The following MBOAT2 variants were observed in gnomAD, a reference collection of about 807,000 sequenced individuals.
MBOAT2 encodes membrane-bound glycerophospholipid O-acyltransferase 2.
MBOAT2 carries 28 observed loss-of-function variants against 63.4 expected under a neutral mutation model. That is an observed-to-expected ratio of 0.44 (90% CI 0.33 to 0.61). The LOEUF (loss-of-function observed/expected upper bound fraction) is 0.61. Ranked by LOEUF, MBOAT2 falls within the 20% of genes least tolerant of loss-of-function variation. MBOAT2 has a pLI of 0.03. For missense variants in MBOAT2, 470 were observed against 605.8 expected (o/e 0.78, Z 2.35); for synonymous variants, 211 against 215.6 (o/e 0.98, Z 0.19).
intron 4 of MBOAT2, among the ~76,000 whole-genome samples, chr2:8,894,356 A>G (rs1386420104): frequency 1.3e-5 from 2 of 152,238 alleles, no homozygotes; most frequent in Non-Finnish European, 2.9e-5. Context: ...AGTGGCAGCT[A>G]AACGGAATGT....
chr2:8,872,253 T>C (rs976807499), intron 8 of MBOAT2, among the ~76,000 whole-genome samples: 1 of 152,226 alleles, frequency 6.6e-6, no homozygotes, highest in East Asian at 1.9e-4. Flanking sequence ...TTCCATCTTT[T>C]TGTTTTTGTT....
intron 1 of MBOAT2, among the ~76,000 whole-genome samples, chr2:8,999,793 G>A (rs565815976): frequency 2.0e-5 from 3 of 152,282 alleles, no homozygotes; most frequent in African/African-American, 7.2e-5. Context: ...ATCAGATGCC[G>A]ATACTTCCTA....
intron 5 of MBOAT2, among the ~76,000 whole-genome samples, chr2:8,884,195 CAAAAAAAAAAAA>C (rs1169179642): frequency 4.1e-4 from 9 of 22,098 alleles, no homozygotes; most frequent in East Asian, 1.0e-3. Flanking sequence ...AAGACTCAGC[CAAAAAAAAAAAA>C]AAAAAAAAAA....
chr2:8,864,309 T>C, intron 9 of MBOAT2, 75 bp from the exon 10 acceptor site: 12 of 836,800 alleles, frequency 1.4e-5, no homozygotes, highest in Non-Finnish European at 2.1e-5. Flanking sequence ...ATTATTATGC[T>C]AAAAAATAAA....
intron 8 of MBOAT2, among the ~76,000 whole-genome samples, chr2:8,870,575 CA>C (rs1662237142): frequency 1.3e-5 from 2 of 152,116 alleles, no homozygotes; most frequent in Admixed American, 6.5e-5. Context: ...AAAAAGGTGA[CA>C]GGGGTGGAGA....
chr2:8,975,149 A>G (rs971456603), intron 1 of MBOAT2, among the ~76,000 whole-genome samples: 1 of 152,026 alleles, frequency 6.6e-6, no homozygotes, highest in Admixed American at 6.6e-5. Flanking sequence ...ACATCCAAAA[A>G]CTGAATTATT....
chr2:8,979,884 G>A (rs111227547), intron 1 of MBOAT2, among the ~76,000 whole-genome samples: 65 of 152,172 alleles, frequency 4.3e-4, no homozygotes, highest in Non-Finnish European at 7.9e-4. Context: ...CTACTAATAC[G>A]CCTAACAATA....
chr2:8,857,231 G>A lies in MBOAT2; in HGVS notation c.*1448C>T, dbSNP rs943176610. 6.6e-6 allele frequency: 1 copy of A among 152,556 alleles called. No homozygotes were observed. The highest frequency in any genetic ancestry group is 1.5e-5 in the Non-Finnish European group (1 of 68,030). The allele number at this position is 152,556 out of a possible 1,614,324, so 9.5% of individuals were successfully genotyped here. The stretch of plus-strand genomic sequence containing the variant: ...AAAGTAAAAGTAAGTTCCATACATA[G>A]GTCAAACAAAGGTGAAGTCAGAAGG... On this transcript the variant is annotated 3_prime_UTR_variant, in exon 13 of 13. Transcript: ENST00000305997.
rs187086825 is a variant in MBOAT2 at position 9,003,183 on chromosome 2, G to A, written c.75+357C>T. 6.6e-6 allele frequency among the ~76,000 whole-genome samples: 1 copy of A among 152,250 alleles called. No individual in the cohort carries two copies. Among genetic ancestry groups the A allele is most frequent in the East Asian group, 1.9e-4 (1 of 5,160 alleles). On this transcript the variant is annotated intron_variant, in intron 1 of 12. Coordinates refer to ENST00000305997, the MANE Select transcript of MBOAT2 (RefSeq NM_138799.4). The surrounding 1 kb of genome is among the most constrained non-coding windows in gnomAD (Gnocchi z 5.4). ...TTCCACAACCCGGTCCATGCGCACC[G>A]GGGGCTGCTCCGGGACCCGACCACC...
Position 8,857,779 on chromosome 2 carries a change from A to T in MBOAT2, c.*900T>A, listed in dbSNP as rs1661195996. 6.6e-6 allele frequency: 1 copy of T among 152,202 alleles called. No individual in the cohort carries two copies. The highest frequency in any genetic ancestry group is 1.5e-5 in the Non-Finnish European group (1 of 68,030). The allele number at this position is 152,202 out of a possible 1,614,324, so 9.4% of individuals were successfully genotyped here. ...GTCCAAAGTATCACGAAGTCATTCA[A>T]CTTTTTTTTTAAGTCTCACATGACG... On this transcript the variant is annotated 3_prime_UTR_variant, in exon 13 of 13. Coordinates refer to ENST00000305997, the MANE Select transcript of MBOAT2 (RefSeq NM_138799.4).
At chr2:8,960,286 A>G (rs1049852784) in intron 1 of MBOAT2, among the ~76,000 whole-genome samples, 1 of 152,176 alleles carries the variant, frequency 6.6e-6, no homozygotes, top group Admixed American at 6.5e-5. Context: ...GATAGCTCCT[A>G]ATTTAATTAT....
intron 3 of MBOAT2, among the ~76,000 whole-genome samples, chr2:8,922,325 C>T (rs774291285): frequency 6.6e-6 from 1 of 152,104 alleles, no homozygotes; most frequent in African/African-American, 2.4e-5. Context: ...CTGGTAAACC[C>T]AACATGTGGG....
intron 3 of MBOAT2, among the ~76,000 whole-genome samples, chr2:8,930,903 C>G (rs1449173839): frequency 6.6e-6 from 1 of 152,166 alleles, no homozygotes; most frequent in Non-Finnish European, 1.5e-5. Flanking sequence ...GCTCGGGACC[C>G]CTTCCATGCT....
intron 3 of MBOAT2, among the ~76,000 whole-genome samples, chr2:8,920,405 T>C (rs986828066): frequency 6.6e-5 from 10 of 152,246 alleles, no homozygotes; most frequent in African/African-American, 1.2e-4. Context: ...TCTATCCTTA[T>C]GCCAATAGCA....
intron 3 of MBOAT2, among the ~76,000 whole-genome samples, chr2:8,921,080 G>C (rs1344581996): frequency 2.0e-5 from 3 of 152,004 alleles, no homozygotes; most frequent in African/African-American, 4.8e-5. Context: ...GGCATTTACT[G>C]TAAGTATTTA....
intron 4 of MBOAT2, among the ~76,000 whole-genome samples, chr2:8,903,003 T>C (rs1665072756): frequency 6.6e-6 from 1 of 152,196 alleles, no homozygotes; most frequent in African/African-American, 2.4e-5. Context: ...TATAGAGTGC[T>C]GATTGGTGCG....
At position 8,923,194 on chromosome 2, in the gene MBOAT2, C is replaced by A. The variant is rs545669427; in HGVS notation, c.300-14478G>T. Among the ~76,000 whole-genome samples the A allele has an allele frequency of 1.1e-4, 16 of 152,332 alleles. No homozygotes were observed. In the East Asian group the frequency reaches 3.1e-3, roughly 29 times the overall value. ...ACATCTTTGCTAAAGAATAGGCACACCTAAACCATGACCTGCCATTGCTTA... is the reference window on the plus strand; with the variant it reads ...ACATCTTTGCTAAAGAATAGGCACAACTAAACCATGACCTGCCATTGCTTA... On this transcript the variant is annotated intron_variant, in intron 3 of 12. Transcript: ENST00000305997.
At position 8,997,017 on chromosome 2, in the gene MBOAT2, C is replaced by T. The variant is rs138716123; in HGVS notation, c.75+6523G>A. On this transcript the variant is annotated intron_variant, in intron 1 of 12. Transcript: ENST00000305997. ...TTGGGAAGCCATGGTAGAAGAGGCACGTCACCAGTGCCTGTTCCGATCTCC... is the reference window on the plus strand; with the variant it reads ...TTGGGAAGCCATGGTAGAAGAGGCATGTCACCAGTGCCTGTTCCGATCTCC... Among the ~76,000 whole-genome samples the T allele has an allele frequency of 6.9e-3, 1,048 of 152,294 alleles. 11 individuals carry two copies. The highest frequency in any genetic ancestry group is 0.023 in the African/African-American group (966 of 41,558).
intron 6 of MBOAT2, among the ~76,000 whole-genome samples, chr2:8,880,343 T>A (rs547566671): frequency 6.6e-6 from 1 of 151,658 alleles, no homozygotes; most frequent in East Asian, 1.9e-4. Flanking sequence ...AAAATGGAAG[T>A]CCCCCCAAGC....
Sources: allele counts gnomAD v4.1 joint callset (sites outside exome capture counted in the v4.1 genomes callset), GRCh38; gene constraint gnomAD v4.1.1; non-coding constraint Gnocchi (gnomAD v3.1); transcripts MANE v1.5; gene names NCBI Gene and HGNC (gene_info 2026-07-23, HGNC 2026-07-21).